Variants in ZAN observed in about 807,000 individuals in gnomAD.
ZAN encodes the protein zonadhesin (gene/pseudogene).
Under a neutral mutation model 286.2 loss-of-function variants are expected in ZAN, and 260 were observed. That is an observed-to-expected ratio of 0.91 (90% confidence interval 0.82 to 1.01). The LOEUF (loss-of-function observed/expected upper bound fraction) is 1.01, where lower values mean the gene tolerates loss of function less well. Among genes scored for constraint, ZAN ranks in the 50% least tolerant of loss-of-function variants. The probability of loss-of-function intolerance (pLI) is 0.00; values close to 1 mark genes in which losing one functional copy is unlikely to be tolerated. For missense variants in ZAN, 3,410 were observed against 3,639.2 expected, an observed-to-expected ratio of 0.94 and a Z score of 1.62; for synonymous variants, 1,368 against 1,417.5, an observed-to-expected ratio of 0.97 and a Z score of 0.79.
chr7:100,765,302 G>A (rs774582542), intron 22 of ZAN, 50 bp from the exon 23 acceptor site: 2 of 1,594,486 alleles, frequency 1.3e-6, no homozygotes, highest in South Asian at 2.3e-5. Flanking sequence ...TTCCCACCCA[G>A]CCCCGTGGCT....
At chr7:100,735,368 C>T (rs1807221264) in intron 2 of ZAN, among the ~76,000 whole-genome samples, 1 of 134,790 alleles carries the variant, frequency 7.4e-6, no homozygotes, top group African/African-American at 2.7e-5. Flanking sequence ...AGGTCATGAC[C>T]AGCCTGTGCA....
intron 7 of ZAN, among the ~76,000 whole-genome samples, chr7:100,743,521 A>C (rs1399321690): frequency 6.6e-6 from 1 of 152,088 alleles, no homozygotes; most frequent in East Asian, 1.9e-4. Context: ...GGTCAAGCAT[A>C]GAGGGTTCTG....
At chr7:100,751,635 A>G in intron 13 of ZAN, 77 bp from the exon 14 acceptor site, 1 of 1,472,808 alleles carries the variant, frequency 6.8e-7, no homozygotes, top group Non-Finnish European at 9.0e-7. Context: ...ATGGGAGCCC[A>G]CTCCAGTTAG....
intron 14 of ZAN, among the ~76,000 whole-genome samples, 175 bp from the exon 15 acceptor site, chr7:100,755,051 A>T (rs1201977006): frequency 2.6e-5 from 4 of 152,138 alleles, no homozygotes; most frequent in Non-Finnish European, 5.9e-5. Flanking sequence ...CAGCCTCCCA[A>T]AGTGCTGGGA....
chr7:100,738,019 C>T lies in ZAN; in HGVS notation c.614-442C>T, dbSNP rs1488589802. ...TCACCCAGGCTGGAGTGTAGTGGCA[C>T]GATCTCGGCTCACTGCAACTTCTGC... On this transcript the variant is annotated intron_variant, in intron 6 of 47. Coordinates refer to ENST00000613979, the MANE Select transcript of ZAN (RefSeq NM_003386.3). Among the ~76,000 whole-genome samples the T allele has an allele frequency of 2.9e-5, 4 of 140,056 alleles. 1 individual carries two copies. The highest frequency in any genetic ancestry group is 4.8e-5 in the Non-Finnish European group (3 of 62,762). The allele number at this position is 140,056 out of a possible 152,430, so 91.9% of individuals were successfully genotyped here.
chr7:100,793,722 G>A, intron 42 of ZAN, 98 bp from the exon 43 acceptor site: 1 of 1,316,692 alleles, frequency 7.6e-7, no homozygotes, highest in Non-Finnish European at 1.0e-6. Flanking sequence ...TCAGGTGTGA[G>A]CCACTGTGCC....
Position 100,750,205 on chromosome 7 carries a change from T to C in ZAN, c.1250-420T>C, listed in dbSNP as rs113977512. ...AGGCTGGAGTGCAGTGACGTGATCT[T>C]GGCTCACTGCAACCTCCACCTCCGG... On this transcript the variant is annotated intron_variant, in intron 11 of 47. Coordinates refer to ENST00000613979, the MANE Select transcript of ZAN (RefSeq NM_003386.3). 9.6e-3 allele frequency among the ~76,000 whole-genome samples: 1,437 copies of C among 150,430 alleles called. 34 individuals carry two copies. Among genetic ancestry groups the C allele is most frequent in the African/African-American group, 0.033 (1,357 of 41,142 alleles).
chr7:100,753,151 G>A lies in ZAN; in HGVS notation c.3046G>A (p.Val1016Met), dbSNP rs780894138. The A allele has an allele frequency of 1.9e-6, 3 of 1,613,856 alleles. No homozygotes were observed. Among genetic ancestry groups the A allele is most frequent in the South Asian group, 1.1e-5 (1 of 91,084 alleles). The change falls in exon 14 of 48, where the codon GTG becomes ATG. Residue 1016 changes from valine to methionine, a missense_variant. Transcript: ENST00000613979. ...SPTATGLAALVMSPHAPSTPM... is the reference protein window; with the variant it reads ...SPTATGLAALMMSPHAPSTPM... Reference sequence around the variant, plus strand: ...CACAGCCACTGGGCTGGCAGCCTTGGTGATGTCTCCACATGCTCCAAGTAC... The same window carrying A: ...CACAGCCACTGGGCTGGCAGCCTTGATGATGTCTCCACATGCTCCAAGTAC...
At chr7:100,776,794 G>A (rs1270600799) in intron 34 of ZAN, among the ~76,000 whole-genome samples, 13 of 124,082 alleles carry the variant, frequency 1.0e-4, no homozygotes, top group African/African-American at 2.3e-4. Flanking sequence ...CTGCAGTGGC[G>A]CAATCTCGGC....
chr7:100,761,199 G>T (rs1809550861), intron 19 of ZAN, among the ~76,000 whole-genome samples: 2 of 152,098 alleles, frequency 1.3e-5, no homozygotes, highest in African/African-American at 4.8e-5. Flanking sequence ...GCGAAAGAAA[G>T]ACTTTATAAA....
intron 18 of ZAN, 21 bp downstream of exon 18, chr7:100,759,866 A>G: frequency 6.2e-7 from 1 of 1,607,210 alleles, no homozygotes; most frequent in Non-Finnish European, 8.5e-7. Context: ...TTCCACCCCC[A>G]CCATCCTTGC....
In ZAN at chr7:100,769,982, A is replaced by G; in HGVS notation, c.5248+8A>G. On this transcript the variant is annotated splice_region_variant and intron_variant, in intron 28 of 47. Transcript: ENST00000613979. Reference sequence around the variant, plus strand: ...TCTTAATAAACCCTCAGGGTAAGACATGTCCCTGCTGGCCCTTTTTCCTCC... The same window carrying G: ...TCTTAATAAACCCTCAGGGTAAGACGTGTCCCTGCTGGCCCTTTTTCCTCC... 2 of 1,557,054 alleles carry G rather than the reference A, an allele frequency of 1.3e-6. No homozygotes were observed. The highest frequency in any genetic ancestry group is 1.7e-6 in the Non-Finnish European group (2 of 1,149,566).
intron 31 of ZAN, among the ~76,000 whole-genome samples, chr7:100,774,739 C>T (rs1362456973): frequency 6.6e-6 from 1 of 151,370 alleles, no homozygotes; most frequent in Admixed American, 6.6e-5. Flanking sequence ...GGTAGGAGGA[C>T]CACTTGAGCC....
chr7:100,757,562 C>A (rs1358501444), intron 15 of ZAN, among the ~76,000 whole-genome samples: 1 of 151,428 alleles, frequency 6.6e-6, no homozygotes, highest in East Asian at 2.0e-4. Context: ...CGAGACCAGC[C>A]TGGCCAACAT....
At chr7:100,779,836 T>C (rs1270119399) in intron 35 of ZAN, 86 bp downstream of exon 35, 1 of 1,349,368 alleles carries the variant, frequency 7.4e-7, no homozygotes, top group Admixed American at 2.6e-5. Context: ...CTCTCCTTCC[T>C]GTTCGTTCCT....
In ZAN at chr7:100,773,860, C is replaced by T; in HGVS notation, c.5774C>T (p.Ala1925Val). ...WALDGLLHCR[A>V]SGVGVCQLPG... is the part of the protein sequence containing the mutation. ...CTGGATGGGCTGCTCCATTGTCGGGCCTCAGGTAGGAGGACCACGGTGATG... is the reference window on the plus strand; with the variant it reads ...CTGGATGGGCTGCTCCATTGTCGGGTCTCAGGTAGGAGGACCACGGTGATG... The change falls in exon 31 of 48, where the codon GCC becomes GTC. Residue 1925 changes from alanine to valine, a missense_variant. Physicochemically the swap from Ala to Val is moderately conservative, Grantham distance 64. Around this residue, in one of 7 missense-constraint regions of ZAN, gnomAD observed 1,289 missense variants for 1,314.3 expected, o/e 0.98. Transcript: ENST00000613979. 1 of 1,603,966 alleles carries T rather than the reference C, an allele frequency of 6.2e-7. No individual in the cohort carries two copies. Among genetic ancestry groups the T allele is most frequent in the Non-Finnish European group, 8.5e-7 (1 of 1,174,914 alleles).
Position 100,788,152 on chromosome 7 carries a change from G to A in ZAN, c.7227+16G>A. ...GGAGCTTGTGGTAAGAGCTGGGCCA[G>A]GGCCTGGTGGGTGTGGGGAGGCAGC... On this transcript the variant is annotated intron_variant, in intron 38 of 47. Coordinates refer to ENST00000613979, the MANE Select transcript of ZAN (RefSeq NM_003386.3). 6.8e-7 allele frequency: 1 copy of A among 1,461,964 alleles called. No homozygotes were observed. Among genetic ancestry groups the A allele is most frequent in the Non-Finnish European group, 9.1e-7 (1 of 1,094,012 alleles). The allele number at this position is 1,461,964 out of a possible 1,614,324, so 90.6% of individuals were successfully genotyped here. A position where few individuals can be genotyped will look rare whatever the true frequency, so the allele number is the denominator to read the frequency against.
In ZAN at chr7:100,779,680, G is replaced by A; in HGVS notation, c.6552G>A (p.Leu2184=). Residue 2184 remains leucine (L), a synonymous_variant, in exon 35 of 48, where the codon CTG becomes CTA. Transcript: ENST00000613979. ...TCTACCAGGCCCTCTGCCAGGCTCTGCAAGCCTTCGGGGCCACCTGCCAGA... is the reference window on the plus strand; with the variant it reads ...TCTACCAGGCCCTCTGCCAGGCTCTACAAGCCTTCGGGGCCACCTGCCAGA... ...GGLYQALCQA[L]QAFGATCQSQ... 2 of 1,565,308 alleles carry A rather than the reference G, an allele frequency of 1.3e-6. No homozygotes were observed. The highest frequency in any genetic ancestry group is 4.8e-5 in the East Asian group (2 of 41,894).
chr7:100,786,483 G>A (rs1811575119), intron 37 of ZAN, among the ~76,000 whole-genome samples: 1 of 152,086 alleles, frequency 6.6e-6, no homozygotes, highest in African/African-American at 2.4e-5. Flanking sequence ...CATATAGCTA[G>A]CTGCAACCTC....
Sources: gnomAD v4.1 joint callset for allele counts (sites outside exome capture counted in the v4.1 genomes callset) on GRCh38, gnomAD v4.1.1 for gene constraint, gnomAD v4.1.1 regional missense constraint, MANE v1.5 for transcripts, NCBI Gene and HGNC (gene_info 2026-07-23, HGNC 2026-07-21) for gene names.